COPA: variants seen among roughly 807,000 people sequenced by gnomAD.
COPA encodes the protein coat protein complex I subunit alpha.
COPA carries 10 observed loss-of-function variants against 158.7 expected under a neutral mutation model. That is an observed-to-expected ratio of 0.06 (90% CI 0.04 to 0.11). The LOEUF is 0.11. Ranked by LOEUF, COPA falls within the 10% of genes least tolerant of loss-of-function variation. COPA has a pLI of 1.00. For missense variants in COPA, 1,065 were observed against 1,536.7 expected (o/e 0.69, Z 5.13); for synonymous variants, 462 against 542.8 (o/e 0.85, Z 2.07).
At chr1:160,321,830 GA>G (rs1009906089) in intron 8 of COPA, among the ~76,000 whole-genome samples, 2 of 151,188 alleles carry the variant, frequency 1.3e-5, no homozygotes, top group Admixed American at 6.6e-5. Flanking sequence ...TGAATAATCT[GA>G]AAAAAAATCA....
intron 13 of COPA, 89 bp from the exon 14 acceptor site, chr1:160,307,334 G>T: frequency 1.6e-6 from 2 of 1,247,380 alleles, no homozygotes; most frequent in Non-Finnish European, 2.4e-6. Flanking sequence ...CAGTCTTGCT[G>T]GATGCCATCT....
chr1:160,318,460 A>T (rs1659216740), intron 8 of COPA, among the ~76,000 whole-genome samples: 1 of 132,228 alleles, frequency 7.6e-6, no homozygotes, highest in African/African-American at 2.8e-5. Context: ...TAAAATAAAC[A>T]ATATTTGTAA....
chr1:160,326,189 G>A (rs1475625354), intron 6 of COPA: 1 of 154,284 alleles, frequency 6.5e-6, no homozygotes, highest in Non-Finnish European at 1.4e-5. Flanking sequence ...ACAATCAACT[G>A]AGATAACTCA....
chr1:160,291,969 T>A (rs759916244), intron 29 of COPA, 40 bp from the exon 30 acceptor site: 5 of 1,613,988 alleles, frequency 3.1e-6, no homozygotes, highest in Admixed American at 1.7e-5. Context: ...GAGACAAGAA[T>A]GTGGAAGTGC....
intron 8 of COPA, among the ~76,000 whole-genome samples, chr1:160,314,401 G>A (rs1441354920): frequency 6.6e-6 from 1 of 152,124 alleles, no homozygotes; most frequent in East Asian, 1.9e-4. Flanking sequence ...GGCTAAGGTA[G>A]GGGGATCACT....
At chr1:160,338,484 G>A (rs761918094) in intron 3 of COPA, among the ~76,000 whole-genome samples, 67 of 152,032 alleles carry the variant, frequency 4.4e-4, no homozygotes, top group Non-Finnish European at 8.2e-4. Context: ...TCACTGGTTC[G>A]GTTTGACACA....
intron 1 of COPA, among the ~76,000 whole-genome samples, chr1:160,342,777 T>A (rs1648146798): frequency 6.6e-6 from 1 of 151,818 alleles, no homozygotes; most frequent in African/African-American, 2.4e-5. Flanking sequence ...CCAGGGCCAC[T>A]CCATATAACA....
intron 21 of COPA, among the ~76,000 whole-genome samples, chr1:160,296,759 C>T (rs1362637605): frequency 1.3e-5 from 2 of 152,158 alleles, no homozygotes; most frequent in Non-Finnish European, 2.9e-5. Context: ...CGTATCCATC[C>T]GTGCTGAGAA....
intron 4 of COPA, among the ~76,000 whole-genome samples, chr1:160,335,012 C>T (rs985396080): frequency 6.6e-6 from 1 of 152,096 alleles, no homozygotes; most frequent in African/African-American, 2.4e-5. Flanking sequence ...TACAGAGAAA[C>T]AATGACTTCC....
At chr1:160,315,262 C>T (rs952704562) in intron 8 of COPA, among the ~76,000 whole-genome samples, 3 of 152,230 alleles carry the variant, frequency 2.0e-5, no homozygotes, top group African/African-American at 7.2e-5. Flanking sequence ...GGAGATCTAA[C>T]CTTGACTTAA....
chr1:160,343,067 T>C lies in COPA; in HGVS notation c.40+64A>G, dbSNP rs1648169721. The C allele has an allele frequency of 3.1e-6, 5 of 1,599,606 alleles. No individual in the cohort carries two copies. The Admixed American group carries it at 8.3e-5, about 27-fold the overall frequency. On this transcript the variant is annotated intron_variant, in intron 1 of 32. Coordinates refer to ENST00000241704, the MANE Select transcript of COPA (RefSeq NM_004371.4). ...GACCAACACCTCTACCCATTTTCTC[T>C]TCCCCGGTGTCAGCGCCGCTCCTGA...
chr1:160,303,470 T>C (rs978220080), intron 17 of COPA, among the ~76,000 whole-genome samples: 4 of 152,140 alleles, frequency 2.6e-5, no homozygotes, highest in South Asian at 2.1e-4. Flanking sequence ...TGCTGGGCAA[T>C]TGAGTGTCCT....
chr1:160,294,066 AGAGAT>A (rs1658325123), intron 25 of COPA, among the ~76,000 whole-genome samples: 1 of 152,238 alleles, frequency 6.6e-6, no homozygotes, highest in African/African-American at 2.4e-5. Flanking sequence ...GCATCAGATT[AGAGAT>A]AAGTCCTACA....
Position 160,290,196 on chromosome 1 carries a change from A to G in COPA, c.3636T>C (p.Asp1212=), listed in dbSNP as rs1266294402. The change falls in exon 33 of 33, where the codon GAT becomes GAC. Residue 1212 remains aspartate, a synonymous_variant. Coordinates refer to ENST00000241704, the MANE Select transcript of COPA (RefSeq NM_004371.4). ...RVTTVTEIGK[D]VIGLRISPLQ... Reference sequence around the variant, plus strand: ...GAGGACTGATCCTTAAACCAATCACATCTTTGCCAATCTCTGTCACCTGTG... The same window carrying G: ...GAGGACTGATCCTTAAACCAATCACGTCTTTGCCAATCTCTGTCACCTGTG... 6 of 1,614,018 alleles carry G rather than the reference A, an allele frequency of 3.7e-6. No individual in the cohort carries two copies. In the South Asian group the frequency reaches 5.5e-5, roughly 15 times the overall value.
At chr1:160,302,522 T>A (rs1302956724) in intron 17 of COPA, among the ~76,000 whole-genome samples, 1 of 151,128 alleles carries the variant, frequency 6.6e-6, no homozygotes, top group Non-Finnish European at 1.5e-5. Flanking sequence ...AACCACAAAC[T>A]TTTTTTGTGT....
Position 160,325,615 on chromosome 1 carries a change from T to A in COPA, c.534A>T (p.Glu178Asp). The change falls in exon 7 of 33, where the codon GAA becomes GAT. Residue 178 changes from glutamate to aspartate, a missense_variant. Physicochemically the swap from Glu to Asp is conservative, Grantham distance 45. This residue lies in a region of COPA where 980 missense variants were observed against 1,357.8 expected (regional missense o/e 0.72). Coordinates refer to ENST00000241704, the MANE Select transcript of COPA (RefSeq NM_004371.4). ...RKKNLSPGAVESDVRGITGVD... is the reference protein window; with the variant it reads ...RKKNLSPGAVDSDVRGITGVD... ...CCCCAGTTATTCCTCTCACATCCGA[T>A]TCCACCGCACCAGGGGACAGGTTTT... The A allele has an allele frequency of 1.2e-6, 2 of 1,614,180 alleles. No homozygotes were observed. The highest frequency in any genetic ancestry group is 1.7e-6 in the Non-Finnish European group (2 of 1,180,034).
At chr1:160,325,468 G>A (rs1571176017) in intron 7 of COPA, 75 bp downstream of exon 7, 5 of 1,215,760 alleles carry the variant, frequency 4.1e-6, no homozygotes, top group Non-Finnish European at 6.1e-6. Flanking sequence ...TTGAAGGAAT[G>A]AATAAATGAA....
At chr1:160,304,642 C>A (rs565440902) in intron 17 of COPA, among the ~76,000 whole-genome samples, 1 of 151,750 alleles carries the variant, frequency 6.6e-6, no homozygotes, top group East Asian at 1.9e-4. Flanking sequence ...CCAGCCTGGG[C>A]GAGACTCCGT....
In COPA at chr1:160,343,181, T is replaced by C. The variant is rs1052485077; in HGVS notation, c.-11A>G. On this transcript the variant is annotated 5_prime_UTR_variant, in exon 1 of 33. Transcript: ENST00000241704. The stretch of plus-strand genomic sequence containing the variant: ...GAATTTGGTTAACATCTCTCAGGTC[T>C]CCGACTCCGATGTCTTAATCCGAGC... The C allele has an allele frequency of 1.2e-6, 2 of 1,614,138 alleles. No homozygotes were observed. Among genetic ancestry groups the C allele is most frequent in the African/African-American group, 2.7e-5 (2 of 75,038 alleles).
Sources: allele counts gnomAD v4.1 joint callset (sites outside exome capture counted in the v4.1 genomes callset), GRCh38; gene constraint gnomAD v4.1.1; regional missense constraint gnomAD v4.1.1; transcripts MANE v1.5; gene names NCBI Gene and HGNC (gene_info 2026-07-23, HGNC 2026-07-21).